The following GDAP1 variants were observed in gnomAD, a reference collection of about 807,000 sequenced individuals.
The protein encoded by GDAP1 is ganglioside induced differentiation associated protein 1, also known as ganglioside-induced differentiation-associated protein 1.
GDAP1 carries 34 observed loss-of-function variants against 40.1 expected under a neutral mutation model. The ratio of observed to expected loss-of-function variants is 0.85; its 90% CI spans 0.64 to 1.13. The LOEUF (loss-of-function observed/expected upper bound fraction) is 1.13. Among genes scored for constraint, GDAP1 ranks in the 50% most tolerant of loss-of-function variants. The pLI is 0.00. For missense variants in GDAP1, 374 were observed against 433.7 expected (o/e 0.86, Z 1.22); for synonymous variants, 170 against 157.4 (o/e 1.08, Z -0.60).
intron 2 of GDAP1, 67 bp from the exon 3 acceptor site, chr8:74,360,070 G>A: frequency 3.5e-6 from 4 of 1,133,070 alleles, no homozygotes; most frequent in Non-Finnish European, 5.4e-6. Context: ...TAGTGTTTTT[G>A]TTTTGCTTTT....
chr8:74,484,480 T>C (rs540265872), intron 2 of GDAP1, among the ~76,000 whole-genome samples: 1 of 152,320 alleles, frequency 6.6e-6, no homozygotes, highest in African/African-American at 2.4e-5. Context: ...ACAGAACACA[T>C]TGCTGATTCT....
At chr8:74,361,849 A>G (rs772634708) in intron 3 of GDAP1, 35 bp from the exon 4 acceptor site, 1 of 1,197,376 alleles carries the variant, frequency 8.4e-7, no homozygotes, top group South Asian at 1.2e-5. Flanking sequence ...AAGGGAGAAA[A>G]TAATTTTCTG....
At chr8:74,390,733 C>T (rs1038637556) in intron 2 of GDAP1, among the ~76,000 whole-genome samples, 3 of 152,244 alleles carry the variant, frequency 2.0e-5, no homozygotes, top group Non-Finnish European at 4.4e-5. Context: ...CCGCTGCTCT[C>T]TTCAGAGCCA....
intron 2 of GDAP1, among the ~76,000 whole-genome samples, chr8:74,465,254 C>A (rs1253510894): frequency 6.6e-6 from 1 of 152,046 alleles, no homozygotes; most frequent in Non-Finnish European, 1.5e-5. Flanking sequence ...AAAAAATAAA[C>A]CTAAGCCGTG....
intron 2 of GDAP1, among the ~76,000 whole-genome samples, chr8:74,404,001 T>C (rs1423332405): frequency 1.1e-4 from 16 of 150,040 alleles, no homozygotes; most frequent in Non-Finnish European, 1.5e-5. Flanking sequence ...TTTGAGTTTA[T>C]CCAGTACAAA....
chr8:74,482,126 G>C (rs921712614), intron 2 of GDAP1, among the ~76,000 whole-genome samples: 2 of 147,634 alleles, frequency 1.4e-5, no homozygotes, highest in Admixed American at 6.7e-5. Flanking sequence ...TTTTGGGGGG[G>C]GGGGGTCATC....
chr8:74,423,681 G>A, intron 2 of GDAP1, among the ~76,000 whole-genome samples: 1 of 152,030 alleles, frequency 6.6e-6, no homozygotes, highest in Non-Finnish European at 1.5e-5. Context: ...GTCTAGAGCA[G>A]TATGCTTATC....
At chr8:74,391,995 T>A (rs917632462) in intron 2 of GDAP1, among the ~76,000 whole-genome samples, 1 of 152,092 alleles carries the variant, frequency 6.6e-6, no homozygotes, top group Non-Finnish European at 1.5e-5. Context: ...ATTTTTGTAT[T>A]TTTAGTAGAG....
intron 2 of GDAP1, among the ~76,000 whole-genome samples, chr8:74,382,987 A>G (rs1214350943): frequency 6.6e-6 from 1 of 152,176 alleles, no homozygotes; most frequent in African/African-American, 2.4e-5. Flanking sequence ...CAAACACAAC[A>G]AACTTCTTTC....
At position 74,403,196 on chromosome 8, in the gene GDAP1, T is replaced by C. The variant is rs776632495; in HGVS notation, c.165+51875T>C. Among the ~76,000 whole-genome samples, 28 of 150,154 alleles carry C rather than the reference T, an allele frequency of 1.9e-4. 1 individual carries two copies. Among genetic ancestry groups the C allele is most frequent in the Non-Finnish European group, 2.2e-4 (15 of 68,040 alleles). Reference sequence around the variant, plus strand: ...ATTTAAATATTTCATTTAGTTTGACTACACTGGGTTTTTAAAAATGATATA... The same window carrying C: ...ATTTAAATATTTCATTTAGTTTGACCACACTGGGTTTTTAAAAATGATATA... On this transcript the variant is annotated intron_variant, in intron 2 of 2. Coordinates refer to the GDAP1 transcript ENST00000523640.
intron 2 of GDAP1, among the ~76,000 whole-genome samples, 194 bp from the exon 3 acceptor site, chr8:74,359,943 T>A (rs1809273122): frequency 6.6e-6 from 1 of 151,784 alleles, no homozygotes. Flanking sequence ...AATGTGATTA[T>A]GGTTTGGGAT....
At chr8:74,351,839 A>G (rs2131497134) in intron 2 of GDAP1, among the ~76,000 whole-genome samples, 1 of 152,352 alleles carries the variant, frequency 6.6e-6, no homozygotes, top group East Asian at 1.9e-4. Context: ...TTCACCTTAA[A>G]AACAAGAGGG....
At chr8:74,475,926 G>C (rs1467969213) in intron 2 of GDAP1, among the ~76,000 whole-genome samples, 6 of 152,096 alleles carry the variant, frequency 3.9e-5, no homozygotes, top group African/African-American at 1.4e-4. Context: ...AAGTCTCTTT[G>C]AAGATCTCTA....
At chr8:74,370,309 G>C (rs1381219261), downstream of GDAP1, among the ~76,000 whole-genome samples, 1 of 152,216 alleles carries the variant, frequency 6.6e-6, no homozygotes, top group Non-Finnish European at 1.5e-5. Flanking sequence ...AAAACACAAA[G>C]GTTGGAGGAA....
At chr8:74,367,625 A>G (rs1809683549), downstream of GDAP1, among the ~76,000 whole-genome samples, 1 of 152,222 alleles carries the variant, frequency 6.6e-6, no homozygotes, top group Non-Finnish European at 1.5e-5. Flanking sequence ...CTATTGGCCC[A>G]TTTACTTGAT....
chr8:74,422,232 TCCTC>T (rs139621817), intron 2 of GDAP1, among the ~76,000 whole-genome samples: 49,878 of 145,168 alleles, frequency 0.34, 10,213 homozygotes, highest in Non-Finnish European at 0.45. Flanking sequence ...TTCCCTTCCT[TCCTC>T]CCTCCCTCCC....
intron 2 of GDAP1, among the ~76,000 whole-genome samples, chr8:74,464,242 A>C (rs548304005): frequency 6.6e-6 from 1 of 152,224 alleles, no homozygotes; most frequent in Non-Finnish European, 1.5e-5. Context: ...TAGTTGGCAG[A>C]CAGTCCAAAA....
At chr8:74,410,100 G>C (rs1805690344) in intron 2 of GDAP1, among the ~76,000 whole-genome samples, 1 of 149,948 alleles carries the variant, frequency 6.7e-6, no homozygotes, top group Admixed American at 6.6e-5. Context: ...AGAGATGTAA[G>C]AGAGAATTGT....
chr8:74,456,222 T>TG (rs1247941829), intron 2 of GDAP1, among the ~76,000 whole-genome samples: 4 of 151,858 alleles, frequency 2.6e-5, no homozygotes, highest in Non-Finnish European at 5.9e-5. Context: ...GTTCTGTCAC[T>TG]GGGGGAGATT....
Sources: allele counts gnomAD v4.1 joint callset (sites outside exome capture counted in the v4.1 genomes callset), GRCh38; gene constraint gnomAD v4.1.1; transcripts MANE v1.5; gene names NCBI Gene and HGNC (gene_info 2026-07-23, HGNC 2026-07-21).